TGFBR2: variants seen among roughly 807,000 people sequenced by gnomAD.
The protein encoded by TGFBR2 is transforming growth factor beta receptor 2.
A neutral mutation model predicts 49.0 loss-of-function variants in TGFBR2; 18 were observed. The ratio of observed to expected loss-of-function variants is 0.37; its 90% CI spans 0.25 to 0.54. TGFBR2 has a LOEUF of 0.54. TGFBR2 is among the 20% of genes least tolerant of loss of function. The probability of loss-of-function intolerance (pLI) is 0.85; values close to 1 mark genes in which losing one functional copy is unlikely to be tolerated. For missense variants in TGFBR2, 525 were observed against 722.6 expected, an observed-to-expected ratio of 0.73 and a Z score of 3.13; for synonymous variants, 282 against 275.9, an observed-to-expected ratio of 1.02 and a Z score of -0.22.
chr3:30,666,101 AAAG>A (rs1465323383), intron 3 of TGFBR2, among the ~76,000 whole-genome samples: 3 of 152,332 alleles, frequency 2.0e-5, no homozygotes, highest in Admixed American at 1.3e-4. Flanking sequence ...GAAAATAAAA[AAAG>A]ATGCAATTTT....
At chr3:30,611,603 A>G (rs1192564650) in intron 1 of TGFBR2, among the ~76,000 whole-genome samples, 2 of 89,806 alleles carry the variant, frequency 2.2e-5, no homozygotes, top group Non-Finnish European at 5.8e-5. Context: ...TTTTCATAGA[A>G]GGGTGTCGGA....
intron 2 of TGFBR2, among the ~76,000 whole-genome samples, chr3:30,648,455 CACACA>C (rs1698815757): frequency 4.3e-5 from 6 of 140,508 alleles, no homozygotes; most frequent in African/African-American, 1.4e-4. Context: ...CACACACACA[CACACA>C]CAAAACTGTG....
intron 1 of TGFBR2, chr3:30,623,224 T>G (rs1165034765): frequency 6.2e-7 from 1 of 1,604,690 alleles, no homozygotes; most frequent in South Asian, 1.1e-5. Flanking sequence ...CCCAGAAAGA[T>G]GAAATCATCT....
At chr3:30,629,333 T>C (rs1481178781) in intron 1 of TGFBR2, among the ~76,000 whole-genome samples, 1 of 152,234 alleles carries the variant, frequency 6.6e-6, no homozygotes, top group Admixed American at 6.5e-5. Context: ...TTTTGAACAA[T>C]GTGTCTTGGG....
chr3:30,681,583 A>C lies in TGFBR2; in HGVS notation c.1397-6801A>C, dbSNP rs1344772019. ...CGGGCGGTTGCGGGTGGCTTCCATC[A>C]GTGAAAAGACTGCAGAGAGAGGTGG... On this transcript the variant is annotated intron_variant, in intron 5 of 6. Transcript: ENST00000295754. Among the ~76,000 whole-genome samples the C allele has an allele frequency of 2.6e-5, 4 of 152,198 alleles. No homozygotes were observed. In the South Asian group the frequency reaches 6.2e-4, roughly 24 times the overall value.
chr3:30,673,046 T>G (rs1699371296), intron 4 of TGFBR2, among the ~76,000 whole-genome samples: 1 of 152,216 alleles, frequency 6.6e-6, no homozygotes, highest in African/African-American at 2.4e-5. Context: ...CAACATCCCT[T>G]ATAAATGATG....
chr3:30,639,292 T>A (rs887944638), intron 1 of TGFBR2, among the ~76,000 whole-genome samples: 1 of 152,344 alleles, frequency 6.6e-6, no homozygotes, highest in African/African-American at 2.4e-5. Context: ...AATCTCATTG[T>A]TGCTGTGAAG....
At chr3:30,617,742 A>G (rs753591548) in intron 1 of TGFBR2, among the ~76,000 whole-genome samples, 6 of 152,182 alleles carry the variant, frequency 3.9e-5, no homozygotes, top group Non-Finnish European at 7.4e-5. Context: ...GCAACTGAAG[A>G]TGTTCTAATA....
intron 3 of TGFBR2, among the ~76,000 whole-genome samples, chr3:30,660,898 A>G (rs1036341654): frequency 2.0e-5 from 3 of 152,206 alleles, no homozygotes; most frequent in Non-Finnish European, 2.9e-5. Flanking sequence ...GGCTGTGTGC[A>G]TGATTTTAGG....
At chr3:30,645,459 A>G (rs922568172) in intron 2 of TGFBR2, among the ~76,000 whole-genome samples, 1 of 150,366 alleles carries the variant, frequency 6.7e-6, no homozygotes, top group African/African-American at 2.4e-5. Flanking sequence ...GATAGATATG[A>G]CTTCTTTCTC....
chr3:30,675,864 C>T (rs1175895474), intron 5 of TGFBR2, among the ~76,000 whole-genome samples: 1 of 152,100 alleles, frequency 6.6e-6, no homozygotes, highest in Non-Finnish European at 1.5e-5. Flanking sequence ...TTAATTAATC[C>T]ATATACGTAT....
chr3:30,680,635 T>C (rs1376404655), intron 5 of TGFBR2, among the ~76,000 whole-genome samples: 2 of 151,016 alleles, frequency 1.3e-5, no homozygotes, highest in African/African-American at 4.9e-5. Context: ...ACTTGGGGGA[T>C]AGATAATGAA....
chr3:30,607,416 C>A (rs1697943720), intron 1 of TGFBR2, among the ~76,000 whole-genome samples: 1 of 152,252 alleles, frequency 6.6e-6, no homozygotes, highest in South Asian at 2.1e-4. Context: ...TCTGAGCCAC[C>A]CGTTCAAAAG....
At chr3:30,626,987 T>C (rs1359544625) in intron 1 of TGFBR2, among the ~76,000 whole-genome samples, 4 of 152,152 alleles carry the variant, frequency 2.6e-5, no homozygotes, top group African/African-American at 9.7e-5. Context: ...CACTGGCAGA[T>C]TGTAAGTAGG....
chr3:30,637,618 A>G (rs553640852), intron 1 of TGFBR2, among the ~76,000 whole-genome samples: 16 of 152,364 alleles, frequency 1.1e-4, no homozygotes, highest in South Asian at 4.1e-4. Flanking sequence ...AAGTAACTCT[A>G]TACATTGGTC....
At chr3:30,668,350 T>C (rs902684914) in intron 3 of TGFBR2, among the ~76,000 whole-genome samples, 2 of 152,182 alleles carry the variant, frequency 1.3e-5, no homozygotes. Flanking sequence ...TCCATGTAGT[T>C]ACAGACACAG....
chr3:30,645,097 A>G (rs1467150845), intron 2 of TGFBR2, among the ~76,000 whole-genome samples, 182 bp downstream of exon 2: 2 of 152,036 alleles, frequency 1.3e-5, no homozygotes, highest in Non-Finnish European at 2.9e-5. Context: ...CTCTGCATGT[A>G]TGTGTACGTT....
rs2125456227 is a variant in TGFBR2, at chr3:30,691,907, TTTTA to T, written c.*310_*313del. The T allele has an allele frequency of 7.4e-6, 2 of 269,856 alleles. No individual in the cohort carries two copies. Among genetic ancestry groups the T allele is most frequent in the African/African-American group, 5.7e-5 (2 of 34,832 alleles). 16.7% of individuals were successfully genotyped at this position (269,856 alleles called of 1,614,324 possible). On this transcript the variant is annotated 3_prime_UTR_variant, in exon 7 of 7. Coordinates refer to ENST00000295754, the MANE Select transcript of TGFBR2 (RefSeq NM_003242.6). ...CTGTATATAAATATGAATAGCTATG[TTTTA>T]TATATATATATATATATCTATATAT...
chr3:30,638,949 A>G (rs1349030518), intron 1 of TGFBR2, among the ~76,000 whole-genome samples: 1 of 152,184 alleles, frequency 6.6e-6, no homozygotes, highest in Non-Finnish European at 1.5e-5. Flanking sequence ...GCTGCAGGCA[A>G]TTAAAAACCT....
Sources: allele counts gnomAD v4.1 joint callset (sites outside exome capture counted in the v4.1 genomes callset), GRCh38; gene constraint gnomAD v4.1.1; transcripts MANE v1.5; gene names NCBI Gene and HGNC (gene_info 2026-07-23, HGNC 2026-07-21).